Variants in EPHB1 observed in about 807,000 individuals in gnomAD.
EPHB1 encodes EPH receptor B1.
In EPHB1, 30 loss-of-function variants were observed where a neutral mutation model predicts 94.4. That is an observed-to-expected ratio of 0.32 (90% confidence interval 0.24 to 0.43). EPHB1 has a LOEUF of 0.43. Ranked by LOEUF, EPHB1 falls within the 20% of genes least tolerant of loss-of-function variation. The pLI is 1.00. For missense variants in EPHB1, 1,055 were observed against 1,308.3 expected (o/e 0.81, Z 2.99); for synonymous variants, 522 against 489.1 (o/e 1.07, Z -0.89).
At chr3:135,255,719 A>T (rs1197899025) in intron 15 of EPHB1, among the ~76,000 whole-genome samples, 6 of 151,148 alleles carry the variant, frequency 4.0e-5, no homozygotes, top group Non-Finnish European at 7.4e-5. Context: ...AGAGTTCTGT[A>T]GATGTCTATT....
intron 13 of EPHB1, among the ~76,000 whole-genome samples, chr3:135,241,751 G>A (rs928096896): frequency 2.0e-5 from 3 of 152,222 alleles, no homozygotes; most frequent in Non-Finnish European, 4.4e-5. Flanking sequence ...TGAGCCAGTC[G>A]CAGTTTCTGT....
chr3:134,914,601 G>A (rs1332822848), intron 1 of EPHB1, among the ~76,000 whole-genome samples: 1 of 152,188 alleles, frequency 6.6e-6, no homozygotes, highest in East Asian at 1.9e-4. Flanking sequence ...CATGGGGGCT[G>A]CCTTCCATGG....
intron 3 of EPHB1, among the ~76,000 whole-genome samples, chr3:134,957,766 C>T (rs1283382287): frequency 6.6e-6 from 1 of 152,190 alleles, no homozygotes; most frequent in African/African-American, 2.4e-5. Context: ...GCAGCATGAT[C>T]AAACCTGCAG....
chr3:135,183,477 GT>G (rs1477226413), intron 10 of EPHB1, among the ~76,000 whole-genome samples: 4 of 152,270 alleles, frequency 2.6e-5, no homozygotes, highest in Non-Finnish European at 2.9e-5. Flanking sequence ...ATTAAACATT[GT>G]TTCTGTGCAT....
chr3:135,217,720 A>AT (rs1943187915), intron 12 of EPHB1, among the ~76,000 whole-genome samples: 1 of 152,142 alleles, frequency 6.6e-6, no homozygotes, highest in Non-Finnish European at 1.5e-5. Context: ...TCTGTTTCAG[A>AT]TTTTTTTAAT....
rs36104 is a variant in EPHB1 at position 134,984,296 on chromosome 3, G to A, written c.805+32244G>A. 3.5e-3 allele frequency among the ~76,000 whole-genome samples: 527 copies of A among 152,162 alleles called. 3 individuals are homozygous for A. Among genetic ancestry groups the A allele is most frequent in the African/African-American group, 0.012 (504 of 41,516 alleles). ...ACAGCTGTGGGCTCCACTGCAGCTC[G>A]GCCGTCTTCCCTCACCACTGATCCC... On this transcript the variant is annotated intron_variant, in intron 3 of 15. Transcript: ENST00000398015.
chr3:135,124,306 T>A (rs1431727550), intron 4 of EPHB1, among the ~76,000 whole-genome samples: 1 of 151,618 alleles, frequency 6.6e-6, no homozygotes, highest in Non-Finnish European at 1.5e-5. Context: ...CAGCATGCTG[T>A]CTCCCCTCCT....
At chr3:135,006,873 G>A (rs181126112) in intron 3 of EPHB1, among the ~76,000 whole-genome samples, 62 of 152,172 alleles carry the variant, frequency 4.1e-4, no homozygotes, top group African/African-American at 1.3e-3. Context: ...CATGAAGTAT[G>A]AGGGTTGACC....
intron 4 of EPHB1, among the ~76,000 whole-genome samples, chr3:135,122,339 G>T (rs1028656555): frequency 6.6e-6 from 1 of 152,154 alleles, no homozygotes. Context: ...ACTGTAGAAA[G>T]CTTTTGATGC....
rs75882398 is a variant in EPHB1, at chr3:134,963,453, T to C, written c.805+11401T>C. Among the ~76,000 whole-genome samples, 1,247 of 152,210 alleles carry C rather than the reference T, an allele frequency of 8.2e-3. 8 individuals are homozygous for C. Among genetic ancestry groups the C allele is most frequent in the Non-Finnish European group, 0.012 (846 of 68,014 alleles). ...TGATGGTTGTATGATGGTTATAACC[T>C]GGGTATGGAGCACACTTCTGGATTG... On this transcript the variant is annotated intron_variant, in intron 3 of 15. Transcript: ENST00000398015.
chr3:134,856,863 A>G (rs114523010), intron 1 of EPHB1, among the ~76,000 whole-genome samples: 2,101 of 152,334 alleles, frequency 0.014, 41 homozygotes, highest in African/African-American at 0.045. Flanking sequence ...TGTGATTTGC[A>G]TTATGTTTCT....
intron 3 of EPHB1, among the ~76,000 whole-genome samples, chr3:135,054,134 A>T (rs1028234518): frequency 3.9e-5 from 6 of 151,990 alleles, no homozygotes; most frequent in African/African-American, 1.5e-4. Context: ...TTAAAATTAG[A>T]TTTTAAAGCA....
intron 3 of EPHB1, among the ~76,000 whole-genome samples, chr3:135,027,107 A>C (rs1936211553): frequency 6.7e-6 from 1 of 148,164 alleles, no homozygotes; most frequent in African/African-American, 2.5e-5. Flanking sequence ...GCTTAAGGAG[A>C]TTTTGGGCTG....
chr3:135,140,160 C>G (rs1940769635), intron 5 of EPHB1, among the ~76,000 whole-genome samples: 2 of 152,152 alleles, frequency 1.3e-5, no homozygotes. Flanking sequence ...ATTGTTATAA[C>G]CCTTATTGGA....
chr3:134,884,530 G>A (rs1281702219), intron 1 of EPHB1, among the ~76,000 whole-genome samples: 1 of 152,130 alleles, frequency 6.6e-6, no homozygotes, highest in Non-Finnish European at 1.5e-5. Context: ...AGAATATGGT[G>A]GCTTATAATT....
chr3:135,249,565 TGAGTCCTATTTCTGGCCTC>T (rs1481141609), intron 15 of EPHB1, 74 bp downstream of exon 15: 1 of 1,526,508 alleles, frequency 6.6e-7, no homozygotes, highest in Non-Finnish European at 8.9e-7. Context: ...GCAGATGGTG[TGAGTCCTATTTCTGGCCTC>T]ATCCCTGGAG....
At chr3:134,829,063 TA>T (rs2036535621) in intron 1 of EPHB1, among the ~76,000 whole-genome samples, 1 of 152,232 alleles carries the variant, frequency 6.6e-6, no homozygotes, top group Non-Finnish European at 1.5e-5. Flanking sequence ...TACTGCTGTA[TA>T]AATGCACTGT....
intron 5 of EPHB1, among the ~76,000 whole-genome samples, chr3:135,138,787 A>G: frequency 6.6e-6 from 1 of 152,236 alleles, no homozygotes; most frequent in Non-Finnish European, 1.5e-5. Context: ...AGTTTGTTTC[A>G]TTGCTTTCTT....
chr3:135,148,361 A>C (rs1941083195), intron 5 of EPHB1, among the ~76,000 whole-genome samples: 1 of 152,246 alleles, frequency 6.6e-6, no homozygotes, highest in African/African-American at 2.4e-5. Context: ...GTGATATGAC[A>C]GTAAAACTCC....
Sources: gnomAD v4.1 joint callset for allele counts (sites outside exome capture counted in the v4.1 genomes callset) on GRCh38, gnomAD v4.1.1 for gene constraint, MANE v1.5 for transcripts, NCBI Gene and HGNC (gene_info 2026-07-23, HGNC 2026-07-21) for gene names.